DAB1: variants seen among roughly 807,000 people sequenced by gnomAD.
DAB1 encodes disabled homolog 1.
DAB1 carries 15 observed loss-of-function variants against 64.6 expected under a neutral mutation model. That is an observed-to-expected ratio of 0.23 (90% confidence interval 0.16 to 0.36). The LOEUF (loss-of-function observed/expected upper bound fraction) is 0.36. DAB1 is among the 10% of genes least tolerant of loss of function. The pLI, the probability that DAB1 is intolerant of heterozygous loss-of-function variation, is 1.00. For missense variants in DAB1, 596 were observed against 706.7 expected, an observed-to-expected ratio of 0.84 and a Z score of 1.78; for synonymous variants, 235 against 251.9, an observed-to-expected ratio of 0.93 and a Z score of 0.64.
chr1:58,121,970 T>C (rs567583475), intron 5 of DAB1, among the ~76,000 whole-genome samples: 1 of 152,274 alleles, frequency 6.6e-6, no homozygotes, highest in East Asian at 1.9e-4. Flanking sequence ...CTTGTGTATA[T>C]TGTGAGAAAA....
intron 1 of DAB1, among the ~76,000 whole-genome samples, chr1:57,319,909 G>A (rs1452914907): frequency 6.6e-6 from 1 of 152,158 alleles, no homozygotes; most frequent in African/African-American, 2.4e-5. Flanking sequence ...ATGAAGGTGT[G>A]ATACTTGGAT....
chr1:57,594,146 T>C (rs1645478910), intron 7 of DAB1, among the ~76,000 whole-genome samples: 1 of 152,180 alleles, frequency 6.6e-6, no homozygotes. Flanking sequence ...TCCCCTTACA[T>C]GGAAATAAAA....
intron 1 of DAB1, among the ~76,000 whole-genome samples, chr1:57,416,224 A>G (rs943241138): frequency 3.3e-5 from 5 of 152,164 alleles, no homozygotes; most frequent in African/African-American, 1.2e-4. Flanking sequence ...CCCACATATG[A>G]CTTATGTTTA....
chr1:57,770,479 G>C (rs1649510586), intron 6 of DAB1, among the ~76,000 whole-genome samples: 1 of 151,786 alleles, frequency 6.6e-6, no homozygotes, highest in Non-Finnish European at 1.5e-5. Flanking sequence ...TGTTGCCCAG[G>C]CTGGCCTCAA....
intron 5 of DAB1, among the ~76,000 whole-genome samples, chr1:57,916,927 GA>G (rs745488655): frequency 6.7e-6 from 1 of 150,154 alleles, no homozygotes; most frequent in Non-Finnish European, 1.5e-5. Context: ...TGGGTGTCAA[GA>G]GCGAAACTCT....
intron 1 of DAB1, among the ~76,000 whole-genome samples, chr1:57,397,174 A>G (rs991704082): frequency 6.6e-6 from 1 of 152,164 alleles, no homozygotes; most frequent in Non-Finnish European, 1.5e-5. Context: ...AACACATTAT[A>G]TAGACCATTT....
intron 4 of DAB1, among the ~76,000 whole-genome samples, chr1:58,315,062 T>C (rs535653163): frequency 6.6e-6 from 1 of 152,320 alleles, no homozygotes; most frequent in African/African-American, 2.4e-5. Flanking sequence ...AGAGCTAAAC[T>C]GTGAATTATT....
intron 3 of DAB1, among the ~76,000 whole-genome samples, chr1:58,363,882 C>T (rs1183259452): frequency 6.6e-6 from 1 of 152,206 alleles, no homozygotes; most frequent in East Asian, 1.9e-4. Flanking sequence ...CTTCTAGCCC[C>T]GGAAAGACCC....
Position 57,011,273 on chromosome 1 carries a change from C to A in DAB1, c.1445-1G>T. On this transcript the variant is annotated splice_acceptor_variant, in intron 12 of 14. Coordinates refer to ENST00000371236, the MANE Select transcript of DAB1 (RefSeq NM_001365792.1). LOFTEE classifies it high-confidence loss of function. ...CTCTGTCTAGGGGCTGGGGTTGGAG[C>A]TACACAGAGACCACAGAAAAAGAGA... 1 of 1,613,290 alleles carries A rather than the reference C, an allele frequency of 6.2e-7. No individual in the cohort carries two copies. Among genetic ancestry groups the A allele is most frequent in the Non-Finnish European group, 8.5e-7 (1 of 1,179,688 alleles).
chr1:57,188,987 C>T (rs11810300), intron 2 of DAB1, among the ~76,000 whole-genome samples: 6,959 of 152,150 alleles, frequency 0.046, 243 homozygotes, highest in African/African-American at 0.099. Context: ...GGTCATTTGC[C>T]TAAGGTCTCA....
At chr1:58,420,332 T>C (rs986006688) in intron 3 of DAB1, among the ~76,000 whole-genome samples, 8 of 152,194 alleles carry the variant, frequency 5.3e-5, no homozygotes, top group African/African-American at 1.7e-4. Flanking sequence ...TACTCAAAAT[T>C]TGGCTATATA....
At chr1:56,998,624 T>C (rs1477479804) in intron 14 of DAB1, among the ~76,000 whole-genome samples, 1 of 152,220 alleles carries the variant, frequency 6.6e-6, no homozygotes, top group Non-Finnish European at 1.5e-5. Context: ...AATGTCCACT[T>C]GAGAACCCTG....
intron 2 of DAB1, among the ~76,000 whole-genome samples, chr1:57,275,963 AACAATG>A (rs1312101357): frequency 6.6e-6 from 1 of 152,244 alleles, no homozygotes; most frequent in Non-Finnish European, 1.5e-5. Context: ...TAAAAATGGC[AACAATG>A]ACAGAAAGAT....
chr1:57,553,162 T>C (rs989184430), intron 7 of DAB1, among the ~76,000 whole-genome samples: 1 of 151,754 alleles, frequency 6.6e-6, no homozygotes, highest in Non-Finnish European at 1.5e-5. Flanking sequence ...GGGTGATTTA[T>C]CTGGGGTTGT....
At position 57,553,460 on chromosome 1, in the gene DAB1, G is replaced by GGA. The variant is rs1286901622; in HGVS notation, n.625+96131_625+96132insTC. Among the ~76,000 whole-genome samples the GGA allele has an allele frequency of 1.1e-3, 99 of 92,884 alleles. 1 individual carries two copies. The highest frequency in any genetic ancestry group is 2.0e-3 in the African/African-American group (50 of 24,492). The allele number at this position is 92,884 out of a possible 152,430, so 60.9% of individuals were successfully genotyped here. ...AAAGAAAGAGAAAGAAAGAAAGAAA[G>GGA]AGAAAGGGAAAGAAAGGAAGGAAGG... On this transcript the variant is annotated intron_variant and non_coding_transcript_variant, in intron 7 of 20. Coordinates refer to the DAB1 transcript ENST00000485760.
At chr1:57,715,715 A>C (rs2101750973) in intron 6 of DAB1, among the ~76,000 whole-genome samples, 1 of 152,314 alleles carries the variant, frequency 6.6e-6, no homozygotes, top group Admixed American at 6.5e-5. Flanking sequence ...ACCTAGAAAT[A>C]ATTTAGCCAA....
At chr1:58,069,516 T>A (rs1276509423) in intron 5 of DAB1, among the ~76,000 whole-genome samples, 1 of 152,066 alleles carries the variant, frequency 6.6e-6, no homozygotes, top group Non-Finnish European at 1.5e-5. Context: ...GGCGGGCAAT[T>A]GTCCCTATTT....
intron 4 of DAB1, among the ~76,000 whole-genome samples, chr1:58,316,046 C>A (rs1354007195): frequency 6.6e-6 from 1 of 152,198 alleles, no homozygotes; most frequent in Non-Finnish European, 1.5e-5. Context: ...CTGCATACTG[C>A]CCCTGTGGCC....
intron 1 of DAB1, among the ~76,000 whole-genome samples, chr1:57,863,375 G>A (rs1012236887): frequency 2.0e-5 from 3 of 152,024 alleles, no homozygotes; most frequent in Admixed American, 2.0e-4. Context: ...TTTCACAGGT[G>A]TATACCTGTA....
Sources: gnomAD v4.1 joint callset for allele counts (sites outside exome capture counted in the v4.1 genomes callset) on GRCh38, gnomAD v4.1.1 for gene constraint, MANE v1.5 for transcripts, NCBI Gene and HGNC (gene_info 2026-07-23, HGNC 2026-07-21) for gene names.